The following ARHGEF10L variants were observed in gnomAD, a reference collection of about 807,000 sequenced individuals.
The protein encoded by ARHGEF10L is rho guanine nucleotide exchange factor 10-like protein.
A neutral mutation model predicts 141.2 loss-of-function variants in ARHGEF10L; 69 were observed. The ratio of observed to expected loss-of-function variants is 0.49; its 90% CI spans 0.40 to 0.60. ARHGEF10L has a LOEUF of 0.60. Among genes scored for constraint, ARHGEF10L ranks in the 20% least tolerant of loss-of-function variants. The pLI, the probability that ARHGEF10L is intolerant of heterozygous loss-of-function variation, is 0.00. For synonymous variants in ARHGEF10L, 711 were observed against 718.5 expected (o/e 0.99, Z 0.17); for missense variants, 1,482 against 1,734.3 (o/e 0.85, Z 2.58).
At chr1:17,551,831 A>G (rs1244429383) in intron 1 of ARHGEF10L, among the ~76,000 whole-genome samples, 1 of 152,252 alleles carries the variant, frequency 6.6e-6, no homozygotes, top group Non-Finnish European at 1.5e-5. Flanking sequence ...CTGGTCTTCT[A>G]ACTAAAACAA....
intron 27 of ARHGEF10L, 41 bp downstream of exon 27, chr1:17,687,788 G>A (rs373795562): frequency 2.6e-6 from 4 of 1,534,928 alleles, no homozygotes; most frequent in African/African-American, 2.8e-5. Flanking sequence ...CAGTCACAGA[G>A]CACCTTCCAC....
intron 4 of ARHGEF10L, among the ~76,000 whole-genome samples, chr1:17,594,296 A>G (rs1027652567): frequency 2.0e-5 from 3 of 152,130 alleles, no homozygotes; most frequent in Non-Finnish European, 4.4e-5. Context: ...ACATGACATC[A>G]GCCCAAGGTC....
chr1:17,597,903 G>A (rs1193759798), intron 4 of ARHGEF10L, among the ~76,000 whole-genome samples: 1 of 152,132 alleles, frequency 6.6e-6, no homozygotes, highest in African/African-American at 2.4e-5. Flanking sequence ...ACCCAGTGAT[G>A]CCTCTGCCCA....
At position 17,656,485 on chromosome 1, in the gene ARHGEF10L, G is replaced by A; in HGVS notation, c.2706-69G>A. The A allele has an allele frequency of 3.2e-6, 5 of 1,551,236 alleles. No individual in the cohort carries two copies. The highest frequency in any genetic ancestry group is 1.7e-4 in the Middle Eastern group (1 of 5,790). The stretch of plus-strand genomic sequence containing the variant: ...CTCCCTGGGGCCCTCTCCCTAGGAG[G>A]GCATGGGGGCAGTGAGTGGGTGGGA... On this transcript the variant is annotated intron_variant, in intron 24 of 28. Coordinates refer to ENST00000361221, the MANE Select transcript of ARHGEF10L (RefSeq NM_018125.4). The surrounding 1 kb of genome is among the most constrained non-coding windows in gnomAD (Gnocchi z 4.9).
intron 10 of ARHGEF10L, among the ~76,000 whole-genome samples, chr1:17,620,540 G>A (rs2060051149): frequency 6.6e-6 from 1 of 152,206 alleles, no homozygotes. Flanking sequence ...TCAACAATGG[G>A]ACAGTGGTCT....
chr1:17,646,730 G>C (rs984394305), intron 21 of ARHGEF10L, among the ~76,000 whole-genome samples: 2 of 152,056 alleles, frequency 1.3e-5, no homozygotes, highest in African/African-American at 4.8e-5. Context: ...AGGCCTCTCT[G>C]AGAAGGAGAG....
chr1:17,628,459 A>C (rs2060501280), intron 15 of ARHGEF10L, among the ~76,000 whole-genome samples: 2 of 152,162 alleles, frequency 1.3e-5, no homozygotes, highest in Admixed American at 6.5e-5. Context: ...CCCTCTCAGC[A>C]CATGACATGA....
chr1:17,640,253 G>A lies in ARHGEF10L; in HGVS notation c.2223G>A (p.Leu741=), dbSNP rs1218623609. 6.2e-7 allele frequency: 1 copy of A among 1,613,410 alleles called. No individual in the cohort carries two copies. Among genetic ancestry groups the A allele is most frequent in the Admixed American group, 1.7e-5 (1 of 59,938 alleles). ...TGGTTTTCATCACCCCCAACCCCCT[G>A]AGCAAGATTTCCTGGGTCAACAGGT... ...FMVVFITPNP[L]SKISWVNRLH... The change falls in exon 21 of 29, where the codon CTG becomes CTA. Residue 741 remains leucine, a synonymous_variant. Coordinates refer to ENST00000361221, the MANE Select transcript of ARHGEF10L (RefSeq NM_018125.4).
At chr1:17,680,402 A>C (rs1230030249) in intron 26 of ARHGEF10L, among the ~76,000 whole-genome samples, 1 of 152,226 alleles carries the variant, frequency 6.6e-6, no homozygotes, top group African/African-American at 2.4e-5. Flanking sequence ...CGTCACCTGG[A>C]GGCACATAAA....
chr1:17,656,440 G>A lies in ARHGEF10L; in HGVS notation c.2706-114G>A. 7.6e-7 allele frequency: 1 copy of A among 1,313,666 alleles called. No individual in the cohort carries two copies. The allele number at this position is 1,313,666 out of a possible 1,614,324, so 81.4% of individuals were successfully genotyped here. A position where few individuals can be genotyped will look rare whatever the true frequency, so the allele number is the denominator to read the frequency against. ...TATGGCCTGGCCACACAGCCGAAAG[G>A]CGTGGCTGAGAGGGGTCAGCTCCCT... On this transcript the variant is annotated intron_variant, in intron 24 of 28. Coordinates refer to ENST00000361221, the MANE Select transcript of ARHGEF10L (RefSeq NM_018125.4). This position sits in a 1 kb window ranked among gnomAD's most constrained non-coding sequence, Gnocchi z 4.9.
rs757088692 is a variant in ARHGEF10L at position 17,626,006 on chromosome 1, C to G, written c.1368C>G (p.Val456=). 2.7e-5 allele frequency: 44 copies of G among 1,613,980 alleles called. No individual in the cohort carries two copies. The highest frequency in any genetic ancestry group is 3.7e-5 in the Non-Finnish European group (44 of 1,179,908). Residue 456 remains valine, a synonymous_variant, in exon 14 of 29, where the codon GTC becomes GTG. Coordinates refer to ENST00000361221, the MANE Select transcript of ARHGEF10L (RefSeq NM_018125.4). The part of the protein sequence containing the change: ...PDRVTLYGLM[V]KPIQRFPQFI... ...GTGTCACCCTCTACGGGCTGATGGTCAAGCCCATCCAGAGGTTCCCACAGT... is the reference window on the plus strand; with the variant it reads ...GTGTCACCCTCTACGGGCTGATGGTGAAGCCCATCCAGAGGTTCCCACAGT...
chr1:17,664,957 C>T (rs1176254424), intron 26 of ARHGEF10L, among the ~76,000 whole-genome samples: 1 of 152,182 alleles, frequency 6.6e-6, no homozygotes, highest in African/African-American at 2.4e-5. Flanking sequence ...AGGGTGGATG[C>T]AGCCATCCGC....
At chr1:17,556,274 GGGGGGGGGCCTGGGAGCACA>G (rs2077318641) in intron 1 of ARHGEF10L, among the ~76,000 whole-genome samples, 1 of 107,310 alleles carries the variant, frequency 9.3e-6, no homozygotes, top group Non-Finnish European at 2.0e-5. Context: ...CATGGCGGCG[GGGGGGGGGCCTGGGAGCACA>G]GGGCGGGCCT....
chr1:17,671,869 G>T (rs2063342422), intron 26 of ARHGEF10L, among the ~76,000 whole-genome samples: 1 of 152,240 alleles, frequency 6.6e-6, no homozygotes, highest in African/African-American at 2.4e-5. Flanking sequence ...GGCCAGGCCT[G>T]ACGCAGAGCA....
intron 22 of ARHGEF10L, among the ~76,000 whole-genome samples, chr1:17,650,823 G>A (rs770883212): frequency 6.6e-6 from 1 of 152,092 alleles, no homozygotes; most frequent in African/African-American, 2.4e-5. Flanking sequence ...ACTTGATGTG[G>A]GCGGAGGCCA....
At chr1:17,632,898 C>G (rs376105322) in intron 16 of ARHGEF10L, among the ~76,000 whole-genome samples, 1 of 152,236 alleles carries the variant, frequency 6.6e-6, no homozygotes, top group Admixed American at 6.5e-5. Context: ...GCATCATCAT[C>G]GGCCCAGAGG....
At chr1:17,590,179 G>A (rs1322082538) in intron 4 of ARHGEF10L, among the ~76,000 whole-genome samples, 1 of 152,166 alleles carries the variant, frequency 6.6e-6, no homozygotes, top group African/African-American at 2.4e-5. Context: ...CTGGGCCACC[G>A]TGCTTCTCTG....
Position 17,636,671 on chromosome 1 carries a change from C to T in ARHGEF10L, c.1928-1217C>T, listed in dbSNP as rs189365799. Among the ~76,000 whole-genome samples the T allele has an allele frequency of 7.6e-3, 1,161 of 152,232 alleles. 8 individuals carry two copies. The highest frequency in any genetic ancestry group is 0.014 in the Middle Eastern group (4 of 294). On this transcript the variant is annotated intron_variant, in intron 18 of 28. Coordinates refer to ENST00000361221, the MANE Select transcript of ARHGEF10L (RefSeq NM_018125.4). ...TTGTCCACATCCCAAGCTCGCCATG[C>T]TCTTTGCTTGTTACCAGGTGACCAT...
intron 1 of ARHGEF10L, among the ~76,000 whole-genome samples, chr1:17,540,939 C>G (rs980597854): frequency 6.6e-6 from 1 of 152,180 alleles, no homozygotes; most frequent in Non-Finnish European, 1.5e-5. Context: ...CAGCACTGTG[C>G]CCCCCACGGT....
Sources: allele counts gnomAD v4.1 joint callset (sites outside exome capture counted in the v4.1 genomes callset), GRCh38; gene constraint gnomAD v4.1.1; non-coding constraint Gnocchi (gnomAD v3.1); transcripts MANE v1.5; gene names NCBI Gene and HGNC (gene_info 2026-07-23, HGNC 2026-07-21).